Variants in TXNL1 observed in about 807,000 individuals in gnomAD.
TXNL1 encodes the protein thioredoxin-like protein 1.
A neutral mutation model predicts 35.5 loss-of-function variants in TXNL1; 14 were observed. The ratio of observed to expected loss-of-function variants is 0.39; its 90% confidence interval spans 0.26 to 0.62. The LOEUF (loss-of-function observed/expected upper bound fraction) is 0.62. Ranked by LOEUF, TXNL1 falls within the 20% of genes least tolerant of loss-of-function variation. The probability of loss-of-function intolerance (pLI) is 0.47; values close to 1 mark genes in which losing one functional copy is unlikely to be tolerated. For synonymous variants in TXNL1, 110 were observed against 115.5 expected (o/e 0.95, Z 0.31); for missense variants, 263 against 349.7 (o/e 0.75, Z 1.98).
At chr18:56,610,892 G>T in intron 7 of TXNL1, 101 bp downstream of exon 7, 2 of 746,512 alleles carry the variant, frequency 2.7e-6, no homozygotes, top group Non-Finnish European at 4.1e-6. Flanking sequence ...ATATAATTTT[G>T]AATTATTTTG....
In TXNL1 at chr18:56,624,552, A is replaced by C. The variant is rs934907127; in HGVS notation, c.196-91T>G. 9 of 1,364,130 alleles carry C rather than the reference A, an allele frequency of 6.6e-6. 1 individual carries two copies. In the South Asian group the frequency reaches 1.4e-4, roughly 21 times the overall value. 84.5% of individuals were successfully genotyped at this position (1,364,130 alleles called of 1,614,324 possible). On this transcript the variant is annotated intron_variant, in intron 2 of 7. Coordinates refer to ENST00000217515, the MANE Select transcript of TXNL1 (RefSeq NM_004786.3). ...ACCTTTATGGAAGTTAAATACCATA[A>C]GCATGAACTAAAAACATGTAAAATA...
intron 4 of TXNL1, among the ~76,000 whole-genome samples, chr18:56,617,352 C>T (rs1360620794): frequency 6.6e-6 from 1 of 152,132 alleles, no homozygotes; most frequent in African/African-American, 2.4e-5. Context: ...TCAAGTCAGC[C>T]TCCTCCTAAA....
Position 56,638,385 on chromosome 18 carries a change from C to A in TXNL1, c.56G>T (p.Gly19Val), listed in dbSNP as rs775866412. The A allele has an allele frequency of 6.2e-7, 1 of 1,613,640 alleles. No individual in the cohort carries two copies. ...SDPDFQPELS[G>V]AGSRLAVVKF... ...GACCACGGCGAGTCTGGAGCCCGCG[C>A]CGCTCAGCTCTGGCTGGAAATCCGG... Residue 19 changes from glycine to valine, a missense_variant, in exon 1 of 8, where the codon GGC (glycine) becomes GTC (valine). Transcript: ENST00000217515.
intron 5 of TXNL1, 136 bp downstream of exon 5, chr18:56,616,109 G>T: frequency 4.4e-6 from 3 of 680,334 alleles, no homozygotes; most frequent in Admixed American, 3.0e-5. Flanking sequence ...TCCAGCCTGG[G>T]CAATAGCACA....
chr18:56,629,206 T>C (rs922020645), intron 1 of TXNL1, among the ~76,000 whole-genome samples: 1 of 152,186 alleles, frequency 6.6e-6, no homozygotes, highest in African/African-American at 2.4e-5. Context: ...ACAACTTAAA[T>C]GGCAATTAAT....
chr18:56,634,264 A>AGAT (rs1183035269), intron 1 of TXNL1, among the ~76,000 whole-genome samples: 1 of 152,222 alleles, frequency 6.6e-6, no homozygotes, highest in African/African-American at 2.4e-5. Flanking sequence ...GGCTCTGTGC[A>AGAT]GATACACAGA....
At chr18:56,616,589 A>C (rs1459580884) in intron 4 of TXNL1, among the ~76,000 whole-genome samples, 1 of 152,238 alleles carries the variant, frequency 6.6e-6, no homozygotes, top group Non-Finnish European at 1.5e-5. Context: ...CTTATGAGCT[A>C]TAAACTGGCA....
Position 56,602,490 on chromosome 18 carries a change from G to A in TXNL1, c.*537C>T, listed in dbSNP as rs2023823530. The A allele has an allele frequency of 6.6e-6, 1 of 150,696 alleles. No individual in the cohort carries two copies. The highest frequency in any genetic ancestry group is 1.5e-5 in the Non-Finnish European group (1 of 67,960). 9.3% of individuals were successfully genotyped at this position (150,696 alleles called of 1,614,324 possible). ...AAGAATCTGTGGACCCATTAGCTAA[G>A]TTTTAGGTAAGAGTAGCTAAATCTC... On this transcript the variant is annotated 3_prime_UTR_variant, in exon 8 of 8. Transcript: ENST00000217515.
chr18:56,608,045 A>G (rs547601436), intron 7 of TXNL1, among the ~76,000 whole-genome samples: 1 of 152,280 alleles, frequency 6.6e-6, no homozygotes, highest in Non-Finnish European at 1.5e-5. Context: ...AGGGTTTGTT[A>G]GTGTCTGTGG....
chr18:56,638,208 C>T (rs1218279898), intron 1 of TXNL1, 135 bp downstream of exon 1: 4 of 876,046 alleles, frequency 4.6e-6, no homozygotes, highest in Non-Finnish European at 6.7e-6. Flanking sequence ...AGGCCTAATT[C>T]CGGCAGCTCC....
intron 3 of TXNL1, among the ~76,000 whole-genome samples, chr18:56,619,537 CAAAAAAAAAAAAAA>C (rs71169375): frequency 1.2e-5 from 1 of 82,090 alleles, no homozygotes; most frequent in Admixed American, 1.5e-4. Flanking sequence ...ACTCTGTCTC[CAAAAAAAAAAAAAA>C]AAAAAAAAAT....
chr18:56,623,682 C>T (rs1315113495), intron 3 of TXNL1, among the ~76,000 whole-genome samples: 1 of 152,104 alleles, frequency 6.6e-6, no homozygotes, highest in Non-Finnish European at 1.5e-5. Context: ...AGTTTCCACA[C>T]ACTATCCTTT....
chr18:56,638,235 G>T, intron 1 of TXNL1, 108 bp downstream of exon 1: 2 of 1,197,664 alleles, frequency 1.7e-6, no homozygotes, highest in Non-Finnish European at 2.3e-6. Flanking sequence ...TGCGGCGACT[G>T]CCGGACACTC....
chr18:56,621,393 G>GACC (rs2024181876), intron 3 of TXNL1, among the ~76,000 whole-genome samples: 1 of 151,800 alleles, frequency 6.6e-6, no homozygotes, highest in Non-Finnish European at 1.5e-5. Flanking sequence ...TGGGGTTTCT[G>GACC]ATGTTGGCCA....
chr18:56,618,263 G>T, intron 3 of TXNL1, 137 bp from the exon 4 acceptor site: 1 of 893,936 alleles, frequency 1.1e-6, no homozygotes, highest in Non-Finnish European at 1.6e-6. Flanking sequence ...TTTTACAGTA[G>T]TCCTTTCATT....
rs749033657 is a variant in TXNL1, at chr18:56,611,113, T to A, written c.736-16A>T. The A allele has an allele frequency of 6.5e-7, 1 of 1,548,570 alleles. No individual in the cohort carries two copies. On this transcript the variant is annotated splice_polypyrimidine_tract_variant and intron_variant, in intron 6 of 7. Coordinates refer to ENST00000217515, the MANE Select transcript of TXNL1 (RefSeq NM_004786.3). ...GAACAAATATCTACCAAAAAAAAGTTTGCATTTATAATTACAATCCTTCTT... is the reference window on the plus strand; with the variant it reads ...GAACAAATATCTACCAAAAAAAAGTATGCATTTATAATTACAATCCTTCTT...
chr18:56,600,213 T>C lies in TXNL1; in HGVS notation c.*2814A>G, dbSNP rs1032139267. On this transcript the variant is annotated 3_prime_UTR_variant, in exon 8 of 8. Transcript: ENST00000217515. ...CAAATAAACAACTGCATTCCTATAA[T>C]CGCTGCCAAAAACACTGCATACATC... The C allele has an allele frequency of 6.6e-6, 1 of 152,276 alleles. No individual in the cohort carries two copies. Among genetic ancestry groups the C allele is most frequent in the Non-Finnish European group, 1.5e-5 (1 of 68,070 alleles). 9.4% of individuals were successfully genotyped at this position (152,276 alleles called of 1,614,324 possible).
chr18:56,615,251 T>C (rs2024065135), intron 5 of TXNL1, among the ~76,000 whole-genome samples: 1 of 152,090 alleles, frequency 6.6e-6, no homozygotes, highest in African/African-American at 2.4e-5. Flanking sequence ...TTCTACAGCA[T>C]TTGCTTATAC....
At chr18:56,618,192 T>A in intron 3 of TXNL1, 66 bp from the exon 4 acceptor site, 1 of 1,509,606 alleles carries the variant, frequency 6.6e-7, no homozygotes. Flanking sequence ...TTAAAAAATT[T>A]AAATCTCTGA....
Sources: gnomAD v4.1 joint callset for allele counts (sites outside exome capture counted in the v4.1 genomes callset) on GRCh38, gnomAD v4.1.1 for gene constraint, MANE v1.5 for transcripts, NCBI Gene and HGNC (gene_info 2026-07-23, HGNC 2026-07-21) for gene names.